HCFC1: variants seen among roughly 807,000 people sequenced by gnomAD.
HCFC1 encodes host cell factor 1.
HCFC1 carries 7 observed loss-of-function variants against 105.5 expected under a neutral mutation model. The observed-to-expected ratio is 0.07, with a 90% CI of 0.04 to 0.12. The LOEUF (loss-of-function observed/expected upper bound fraction) is 0.12, where lower values mean the gene tolerates loss of function less well. HCFC1 is among the 10% of genes least tolerant of loss of function. The pLI, the probability that HCFC1 is intolerant of heterozygous loss-of-function variation, is 1.00. For missense variants in HCFC1, 1,065 were observed against 1,823.6 expected (o/e 0.58, Z 7.58); for synonymous variants, 918 against 828.1 (o/e 1.11, Z -1.86).
intron 1 of HCFC1, among the ~76,000 whole-genome samples, chrX:153,967,423 G>A (rs978306962): frequency 2.7e-5 from 3 of 112,346 alleles, no homozygotes; most frequent in Non-Finnish European, 5.6e-5. Context: ...GGTTGCCACT[G>A]TCCCATCACC....
chrX:153,969,005 A>T (rs1471012304), intron 1 of HCFC1, among the ~76,000 whole-genome samples: 1 of 112,410 alleles, frequency 8.9e-6, no homozygotes, highest in African/African-American at 3.2e-5. Context: ...TGGAGGCAAC[A>T]GGTGCTGAGA....
At chrX:153,961,511 A>T in intron 6 of HCFC1, 31 bp downstream of exon 6, 1 of 1,061,987 alleles carries the variant, frequency 9.4e-7, no homozygotes. Context: ...GCAGCCTCCC[A>T]CAGGCCACTC....
chrX:153,949,558 T>C lies in HCFC1; in HGVS notation c.6063A>G (p.Pro2021=). 2 of 1,210,210 alleles carry C rather than the reference T, an allele frequency of 1.7e-6. No individual in the cohort carries two copies. The highest frequency in any genetic ancestry group is 2.2e-6 in the Non-Finnish European group (2 of 893,909). The change falls in exon 25 of 26, where the codon CCA becomes CCG. Residue 2021 remains proline, a synonymous_variant. Transcript: ENST00000310441. ...KPANKRPMSS[P]EMKSAPKKSK... ...GAGAGGGGCTTCCTGCTTACATTTC[T>C]GGAGAGGACATGGGCCGCTTGTTGG...
At chrX:153,967,669 C>T (rs1557118710) in intron 1 of HCFC1, among the ~76,000 whole-genome samples, 1 of 112,001 alleles carries the variant, frequency 8.9e-6, no homozygotes, top group African/African-American at 3.2e-5. Context: ...CCCTTGGGAG[C>T]ACAGAGCAGT....
At chrX:153,957,233 C>T (rs2065386193) in intron 13 of HCFC1, 81 bp downstream of exon 13, 2 of 993,898 alleles carry the variant, frequency 2.0e-6, no homozygotes, top group Non-Finnish European at 2.8e-6. Context: ...TAAACAGAAA[C>T]ACAGCACGCC....
At chrX:153,950,681 C>T (rs1315455424) in intron 23 of HCFC1, 132 bp downstream of exon 23, 2 of 864,950 alleles carry the variant, frequency 2.3e-6, no homozygotes, top group Non-Finnish European at 3.3e-6. Flanking sequence ...AAGAGATCTT[C>T]CCCCAAGTGG....
Position 153,951,805 on chromosome X carries a change from C to T in HCFC1, c.5260+36G>A, listed in dbSNP as rs1299677970. 2.6e-6 allele frequency: 3 copies of T among 1,171,469 alleles called. No homozygotes were observed. The Admixed American group carries it at 7.2e-5, about 28-fold the overall frequency. On this transcript the variant is annotated intron_variant, in intron 20 of 25. Coordinates refer to ENST00000310441, the MANE Select transcript of HCFC1 (RefSeq NM_005334.3). The stretch of plus-strand genomic sequence containing the variant: ...CTGCCCTCACCTCCCTGGGTGCCCC[C>T]ACCACCCCAGCACCAATTCGCCCTC...
At position 153,950,992 on chromosome X, in the gene HCFC1, A is replaced by C. The variant is rs1557112301; in HGVS notation, c.5524T>G (p.Leu1842Val). The C allele has an allele frequency of 8.3e-7, 1 of 1,209,480 alleles. No individual in the cohort carries two copies. Among genetic ancestry groups the C allele is most frequent in the Admixed American group, 2.2e-5 (1 of 46,064 alleles). The change falls in exon 23 of 26, where the codon TTG becomes GTG. Residue 1842 changes from leucine (L) to valine (V), a missense_variant. Physicochemically the swap from Leu to Val is conservative, Grantham distance 32. Around this residue, in one of 17 missense-constraint regions of HCFC1, gnomAD observed 17 missense variants for 30.5 expected, o/e 0.56. Transcript: ENST00000310441. ...TGGTTATAGTCAGGGACGGTGCCCA[A>C]ATCATCCTAGGAAAAGAGGAGTGGC... ...PDDAVPSDDDLGTVPDYNQLK... is the reference protein window; with the variant it reads ...PDDAVPSDDDVGTVPDYNQLK...
chrX:153,965,540 A>G (rs73247640), intron 1 of HCFC1, among the ~76,000 whole-genome samples: 7,666 of 112,372 alleles, frequency 0.068, 301 homozygotes, highest in Non-Finnish European at 0.11. Flanking sequence ...ACCTCCTCCT[A>G]TGAGGGGTCC....
At position 153,952,933 on chromosome X, in the gene HCFC1, G is replaced by C; in HGVS notation, c.4523C>G (p.Pro1508Arg). ...VPPPEELQVS[P>R]GPRQQLPPRQ... ...TGGCGGCAGCTGCTGGCGAGGACCT[G>C]GCGACACCTGGAGTTCCTCTGGGGG... The change falls in exon 19 of 26, where the codon CCA becomes CGA. Residue 1508 changes from proline to arginine, a missense_variant. Around this residue, in one of 17 missense-constraint regions of HCFC1, gnomAD observed 546 missense variants for 599.9 expected, o/e 0.91. Coordinates refer to ENST00000310441, the MANE Select transcript of HCFC1 (RefSeq NM_005334.3). 8.5e-7 allele frequency: 1 copy of C among 1,176,335 alleles called. No individual in the cohort carries two copies. The highest frequency in any genetic ancestry group is 1.1e-6 in the Non-Finnish European group (1 of 878,190).
chrX:153,956,491 C>T, intron 15 of HCFC1, 80 bp from the exon 16 acceptor site: 1 of 1,116,771 alleles, frequency 9.0e-7, no homozygotes, highest in Non-Finnish European at 1.2e-6. Flanking sequence ...GGCTGGGGCA[C>T]TCTGGAGCTG....
At position 153,952,532 on chromosome X, in the gene HCFC1, C is replaced by T. The variant is rs782026332; in HGVS notation, c.4924G>A (p.Ala1642Thr). 6 of 1,168,711 alleles carry T rather than the reference C, an allele frequency of 5.1e-6. No homozygotes were observed. Among genetic ancestry groups the T allele is most frequent in the East Asian group, 3.0e-5 (1 of 33,385 alleles). ...CACTCACCCATGACGGCCTGCTGCG[C>T]GGCCTGGAGCACCGCCTGGATGGCC... ...ALAIQAVLQA[A>T]QQAVMGTGEP... is the part of the protein sequence containing the mutation. The change falls in exon 19 of 26, where the codon GCG (alanine) becomes ACG (threonine). Residue 1642 changes from alanine (A) to threonine (T), a missense_variant. By Grantham distance (58) the Ala-to-Thr change is moderately conservative (BLOSUM62 0). Coordinates refer to ENST00000310441, the MANE Select transcript of HCFC1 (RefSeq NM_005334.3).
At position 153,955,667 on chromosome X, in the gene HCFC1, G is replaced by A. The variant is rs367879808; in HGVS notation, c.2857-125C>T. On this transcript the variant is annotated intron_variant, in intron 16 of 25. Transcript: ENST00000310441. The stretch of plus-strand genomic sequence containing the variant: ...CCACTTCTCAACGGCCCTGGCAGAC[G>A]TAAGACCCACTCACCCCTGCCCCCA... 132 of 678,044 alleles carry A rather than the reference G, an allele frequency of 1.9e-4. 1 individual carries two copies. The highest frequency in any genetic ancestry group is 9.7e-4 in the African/African-American group (44 of 45,396). 55.9% of individuals were successfully genotyped at this position (678,044 alleles called of 1,213,427 possible).
At chrX:153,959,229 G>A in intron 9 of HCFC1, 102 bp downstream of exon 9, 3 of 876,212 alleles carry the variant, frequency 3.4e-6, no homozygotes, top group Admixed American at 3.2e-5. Context: ...TGTGGGGTGC[G>A]TGGTACCAGA....
chrX:153,963,210 T>TACC lies in HCFC1; in HGVS notation c.712+12_712+14dup, dbSNP rs1317160150. The TACC allele has an allele frequency of 7.6e-6, 9 of 1,185,149 alleles. No individual in the cohort carries two copies. The highest frequency in any genetic ancestry group is 9.1e-6 in the Non-Finnish European group (8 of 874,749). On this transcript the variant is annotated intron_variant, in intron 4 of 25. Coordinates refer to ENST00000310441, the MANE Select transcript of HCFC1 (RefSeq NM_005334.3). ...CTTTGTCCCATGGCTGCTGGGGTGC[T>TACC]ACCACCCTGCTCACCAATATCTAGG... is the stretch of plus-strand genomic sequence containing the variant.
chrX:153,948,095 A>AC lies in HCFC1; in HGVS notation c.*1251dup, dbSNP rs782497557. 16 of 110,123 alleles carry AC rather than the reference A, an allele frequency of 1.5e-4. No homozygotes were observed. Among genetic ancestry groups the AC allele is most frequent in the Admixed American group, 1.4e-3 (15 of 10,407 alleles). 9.1% of individuals were successfully genotyped at this position (110,123 alleles called of 1,213,427 possible). A position where few individuals can be genotyped will look rare whatever the true frequency, so the allele number is the denominator to read the frequency against. On this transcript the variant is annotated 3_prime_UTR_variant, in exon 26 of 26. Coordinates refer to ENST00000310441, the MANE Select transcript of HCFC1 (RefSeq NM_005334.3). ...GACGCCTGGTTCCCCTCCATTCTCC[A>AC]CCCTTTCCATGACGATTTGGGGGAG...
At chrX:153,958,821 C>T in intron 9 of HCFC1, 55 bp from the exon 10 acceptor site, 1 of 947,526 alleles carries the variant, frequency 1.1e-6, no homozygotes, top group African/African-American at 1.9e-5. Flanking sequence ...CACCTCCCTG[C>T]TTGGTGGACC....
intron 19 of HCFC1, 99 bp from the exon 20 acceptor site, chrX:153,952,257 C>A: frequency 9.3e-7 from 1 of 1,070,165 alleles, no homozygotes; most frequent in East Asian, 3.4e-5. Context: ...AGACCCCGTC[C>A]ACCTCCTACC....
chrX:153,955,638 C>T (rs1305933949), intron 16 of HCFC1, 96 bp from the exon 17 acceptor site: 4 of 886,759 alleles, frequency 4.5e-6, no homozygotes, highest in Non-Finnish European at 4.6e-6. Flanking sequence ...GCTGGGACCA[C>T]TGACCACTTC....
Sources: allele counts gnomAD v4.1 joint callset (sites outside exome capture counted in the v4.1 genomes callset), GRCh38; gene constraint gnomAD v4.1.1; regional missense constraint gnomAD v4.1.1; transcripts MANE v1.5; gene names NCBI Gene and HGNC (gene_info 2026-07-23, HGNC 2026-07-21).